Variants in KLRG1 observed in about 807,000 individuals in gnomAD.
KLRG1 encodes the protein killer cell lectin like receptor G1, also known as killer cell lectin-like receptor subfamily G member 1.
A neutral mutation model predicts 21.8 loss-of-function variants in KLRG1; 16 were observed. The observed-to-expected ratio is 0.73, with a 90% CI of 0.50 to 1.11. KLRG1 has a LOEUF of 1.11. Ranked by LOEUF, KLRG1 falls within the 50% of genes most tolerant of loss-of-function variation. The probability of loss-of-function intolerance (pLI) is 0.00; values close to 1 mark genes in which losing one functional copy is unlikely to be tolerated. For missense variants in KLRG1, 173 were observed against 218.3 expected, an observed-to-expected ratio of 0.79 and a Z score of 1.31; for synonymous variants, 69 against 75.9, an observed-to-expected ratio of 0.91 and a Z score of 0.47.
the KLRG1 span, among the ~76,000 whole-genome samples, chr12:9,124,456 C>A: frequency 6.6e-6 from 1 of 150,912 alleles, no homozygotes; most frequent in African/African-American, 2.4e-5. Context: ...TGGGAGCAGG[C>A]AAGATCTACA....
chr12:9,161,034 C>A, the KLRG1 span: 5 of 1,579,000 alleles, frequency 3.2e-6, no homozygotes, highest in Non-Finnish European at 4.4e-6. Context: ...GTGACTCACC[C>A]AGAACTGAGA....
the KLRG1 span, among the ~76,000 whole-genome samples, chr12:9,202,975 C>G: frequency 6.6e-6 from 1 of 152,084 alleles, no homozygotes; most frequent in Admixed American, 6.6e-5. Context: ...AGAGAAACAT[C>G]TCTGAAAAAA....
the KLRG1 span, chr12:9,161,082 G>C: frequency 6.2e-7 from 1 of 1,602,260 alleles, no homozygotes; most frequent in South Asian, 1.1e-5. Context: ...CATTTGATGG[G>C]AGCTTCAAGG....
the KLRG1 span, among the ~76,000 whole-genome samples, chr12:9,083,952 TA>T: frequency 2.0e-5 from 3 of 152,118 alleles, no homozygotes; most frequent in Non-Finnish European, 4.4e-5. Flanking sequence ...ACATATCACA[TA>T]CAAAGGAATT....
the KLRG1 span, among the ~76,000 whole-genome samples, chr12:9,187,518 A>C: frequency 6.6e-6 from 1 of 152,212 alleles, no homozygotes; most frequent in Non-Finnish European, 1.5e-5. Flanking sequence ...GAATTCAATA[A>C]GAAGAAAATC....
chr12:9,068,485 A>G, the KLRG1 span, among the ~76,000 whole-genome samples: 19 of 152,216 alleles, frequency 1.2e-4, no homozygotes, highest in African/African-American at 4.3e-4. Context: ...ATATTGTCAT[A>G]CAGTCCATTT....
chr12:9,208,209 G>T, the KLRG1 span: 2 of 1,425,734 alleles, frequency 1.4e-6, no homozygotes, highest in South Asian at 1.1e-5. Flanking sequence ...GAAGACACAA[G>T]GGAGAGACTG....
the KLRG1 span, among the ~76,000 whole-genome samples, chr12:9,174,769 T>A: frequency 6.6e-6 from 1 of 152,106 alleles, no homozygotes; most frequent in Non-Finnish European, 1.5e-5. Context: ...GTGAAGGACC[T>A]CTTCAAGGAG....
the KLRG1 span, among the ~76,000 whole-genome samples, chr12:9,050,628 G>C: frequency 2.0e-5 from 3 of 152,186 alleles, no homozygotes; most frequent in Non-Finnish European, 4.4e-5. Flanking sequence ...CTCCCGGAGG[G>C]GGCCGGGAGT....
the KLRG1 span, among the ~76,000 whole-genome samples, chr12:9,175,401 G>A: frequency 6.6e-6 from 1 of 152,122 alleles, no homozygotes; most frequent in Non-Finnish European, 1.5e-5. Context: ...GATAGGCGCA[G>A]GCAAAGATTT....
chr12:9,035,046 GA>G, the KLRG1 span, among the ~76,000 whole-genome samples: 9 of 133,292 alleles, frequency 6.8e-5, no homozygotes, highest in African/African-American at 2.2e-4. Flanking sequence ...AAATTAAATA[GA>G]AAAAAACTTA....
At chr12:9,200,995 C>T in the KLRG1 span, 1 of 1,614,096 alleles carries the variant, frequency 6.2e-7, no homozygotes, top group South Asian at 1.1e-5. Flanking sequence ...GGGGAAAGGA[C>T]AACTGATTGA....
chr12:9,068,097 T>C, the KLRG1 span: 18 of 1,449,312 alleles, frequency 1.2e-5, no homozygotes, highest in Middle Eastern at 1.8e-4. Context: ...TTGACAAATA[T>C]TTACCCAGCG....
chr12:8,955,912 A>G (rs1160926781), intron 1 of KLRG1, among the ~76,000 whole-genome samples: 1 of 151,970 alleles, frequency 6.6e-6, no homozygotes, highest in African/African-American at 2.4e-5. Flanking sequence ...GAACTCCCGC[A>G]ATGCCTTTTA....
the KLRG1 span, among the ~76,000 whole-genome samples, chr12:9,182,900 C>T: frequency 2.0e-5 from 3 of 152,286 alleles, no homozygotes; most frequent in Non-Finnish European, 2.9e-5. Context: ...GGTATTATTT[C>T]CATGTCTTCC....
the KLRG1 span, among the ~76,000 whole-genome samples, chr12:9,186,638 T>G: frequency 6.6e-6 from 1 of 151,482 alleles, no homozygotes; most frequent in African/African-American, 2.4e-5. Context: ...AAAGAAAATG[T>G]GGCACATATA....
chr12:9,204,888 A>C, the KLRG1 span, among the ~76,000 whole-genome samples: 30 of 152,200 alleles, frequency 2.0e-4, no homozygotes, highest in African/African-American at 7.0e-4. Context: ...TGAGGCCAGG[A>C]GTTTGAGAAC....
chr12:9,010,196 A>C lies in KLRG1; in HGVS notation c.*659A>C. On this transcript the variant is annotated 3_prime_UTR_variant, in exon 5 of 5. Coordinates refer to ENST00000356986, the MANE Select transcript of KLRG1 (RefSeq NM_005810.4). ...GCAAGACTCCATCTCTAAAAAAAAA[A>C]AAAAATGCTAATGTGAGAATATAAA... The C allele has an allele frequency of 1.8e-6, 1 of 541,780 alleles. No homozygotes were observed. The highest frequency in any genetic ancestry group is 3.3e-6 in the Non-Finnish European group (1 of 307,350). The allele number at this position is 541,780 out of a possible 1,614,324, so 33.6% of individuals were successfully genotyped here. A position where few individuals can be genotyped will look rare whatever the true frequency, so the allele number is the denominator to read the frequency against.
chr12:8,995,439 C>T, intron 3 of KLRG1, 151 bp downstream of exon 3: 1 of 688,918 alleles, frequency 1.5e-6, no homozygotes, highest in Non-Finnish European at 2.4e-6. Context: ...CTTCCCTCTT[C>T]TTCTCTTTCC....
Sources: gnomAD v4.1 joint callset for allele counts (sites outside exome capture counted in the v4.1 genomes callset) on GRCh38, gnomAD v4.1.1 for gene constraint, MANE v1.5 for transcripts, NCBI Gene and HGNC (gene_info 2026-07-23, HGNC 2026-07-21) for gene names.